RIT2: variants seen among roughly 807,000 people sequenced by gnomAD.
RIT2 encodes GTP-binding protein Rit2.
Under a neutral mutation model 23.7 loss-of-function variants are expected in RIT2, and 24 were observed. The ratio of observed to expected loss-of-function variants is 1.01; its 90% CI spans 0.73 to 1.43. The LOEUF is 1.43. RIT2 is among the 40% of genes most tolerant of loss of function. RIT2 has a pLI of 0.00. For missense variants in RIT2, 236 were observed against 266.9 expected (o/e 0.88, Z 0.81); for synonymous variants, 107 against 91.1 (o/e 1.17, Z -0.99).
chr18:42,940,192 T>A (rs1159868733), intron 3 of RIT2, among the ~76,000 whole-genome samples: 2 of 137,488 alleles, frequency 1.5e-5, no homozygotes, highest in East Asian at 4.8e-4. Flanking sequence ...CATCTCCTAC[T>A]TCTCTTCAAA....
rs148459170 is a variant in RIT2, at chr18:42,952,224, T to C, written c.234+21850A>G. On this transcript the variant is annotated intron_variant, in intron 3 of 4. Coordinates refer to ENST00000326695, the MANE Select transcript of RIT2 (RefSeq NM_002930.4). The stretch of plus-strand genomic sequence containing the variant: ...TCAAAAGGAAGGAAATCCTGCCATT[T>C]ATAACACTATGGATGAACATTGAGG... Among the ~76,000 whole-genome samples, 430 of 152,288 alleles carry C rather than the reference T, an allele frequency of 2.8e-3. 2 individuals are homozygous for C. Among genetic ancestry groups the C allele is most frequent in the African/African-American group, 9.7e-3 (402 of 41,584 alleles).
chr18:42,782,367 G>C (rs543459744), intron 4 of RIT2, among the ~76,000 whole-genome samples: 74 of 152,140 alleles, frequency 4.9e-4, no homozygotes, highest in African/African-American at 1.7e-3. Flanking sequence ...CCATATAACA[G>C]GCAGCAGGAT....
intron 4 of RIT2, among the ~76,000 whole-genome samples, chr18:42,919,192 T>G (rs1380121368): frequency 6.6e-6 from 1 of 152,110 alleles, no homozygotes; most frequent in African/African-American, 2.4e-5. Context: ...TTTAATCCAG[T>G]AATTCCTAAT....
intron 4 of RIT2, among the ~76,000 whole-genome samples, chr18:42,923,051 C>T (rs964082030): frequency 1.4e-4 from 21 of 152,106 alleles, no homozygotes; most frequent in African/African-American, 2.7e-4. Context: ...GGGAGATTTT[C>T]GTGTTCTATG....
At chr18:42,923,814 T>C (rs1909115863) in intron 3 of RIT2, 51 bp from the exon 4 acceptor site, 2 of 1,365,800 alleles carry the variant, frequency 1.5e-6, no homozygotes, top group Non-Finnish European at 2.0e-6. Context: ...TATAGCTAAT[T>C]AATATGAGGT....
intron 1 of RIT2, among the ~76,000 whole-genome samples, chr18:43,108,162 G>C (rs1217888833): frequency 7.2e-6 from 1 of 138,286 alleles, no homozygotes; most frequent in African/African-American, 2.7e-5. Flanking sequence ...GTGATAGAAC[G>C]AGACTCCATC....
rs574251403 is a variant in RIT2, at chr18:42,908,901, C to T, written c.426+14671G>A. On this transcript the variant is annotated intron_variant, in intron 4 of 4. Transcript: ENST00000326695. Reference sequence around the variant, plus strand: ...ACCTAATAAATTAGTACAACCACTACGGAAAACGGTATGGTGATTCCTTAA... The same window carrying T: ...ACCTAATAAATTAGTACAACCACTATGGAAAACGGTATGGTGATTCCTTAA... Among the ~76,000 whole-genome samples the T allele has an allele frequency of 2.1e-3, 318 of 152,172 alleles. 1 individual carries two copies. The highest frequency in any genetic ancestry group is 5.4e-3 in the South Asian group (26 of 4,820).
At chr18:43,067,080 G>A (rs967756408) in intron 1 of RIT2, among the ~76,000 whole-genome samples, 2 of 151,916 alleles carry the variant, frequency 1.3e-5, no homozygotes, top group Non-Finnish European at 2.9e-5. Context: ...GAAGACTAGT[G>A]TAATATTATT....
chr18:43,057,798 C>CTTTTTTTTTTTTTTTTTTTTTTTTTTT (rs11393575), intron 1 of RIT2, among the ~76,000 whole-genome samples: 36 of 122,634 alleles, frequency 2.9e-4, no homozygotes, highest in Admixed American at 7.6e-4. Flanking sequence ...GTGATGGACA[C>CTTTTTTTTTTTTTTTTTTTTTTTTTTT]TTTTTTTTTT....
At chr18:43,105,775 T>C (rs1321597190) in intron 1 of RIT2, among the ~76,000 whole-genome samples, 3 of 152,182 alleles carry the variant, frequency 2.0e-5, no homozygotes, top group African/African-American at 4.8e-5. Flanking sequence ...GTAATTAATA[T>C]TCTGAGTATG....
intron 3 of RIT2, among the ~76,000 whole-genome samples, chr18:42,964,286 T>A (rs1170626415): frequency 6.6e-6 from 1 of 152,114 alleles, no homozygotes; most frequent in East Asian, 1.9e-4. Context: ...AGGGAAAAGT[T>A]AAACTGGGAA....
At chr18:42,756,062 C>T (rs1913156027) in intron 4 of RIT2, among the ~76,000 whole-genome samples, 1 of 151,926 alleles carries the variant, frequency 6.6e-6, no homozygotes, top group South Asian at 2.1e-4. Flanking sequence ...TTTGTGGGAT[C>T]ATCAGTAGTT....
intron 2 of RIT2, among the ~76,000 whole-genome samples, chr18:43,010,085 T>G (rs1391452027): frequency 6.6e-6 from 1 of 151,804 alleles, no homozygotes; most frequent in Non-Finnish European, 1.5e-5. Context: ...AATTAATTGT[T>G]AAAATGTGTA....
chr18:42,815,920 C>T (rs1206358471), intron 4 of RIT2, among the ~76,000 whole-genome samples: 1 of 152,066 alleles, frequency 6.6e-6, no homozygotes, highest in African/African-American at 2.4e-5. Context: ...AACATAACAA[C>T]CATAGACTAT....
At chr18:42,811,607 A>G (rs1029639339) in intron 4 of RIT2, among the ~76,000 whole-genome samples, 1 of 152,070 alleles carries the variant, frequency 6.6e-6, no homozygotes, top group African/African-American at 2.4e-5. Flanking sequence ...AAATAAAATT[A>G]TAAATATCTA....
intron 2 of RIT2, among the ~76,000 whole-genome samples, chr18:43,004,957 GA>G (rs1263057304): frequency 2.6e-5 from 4 of 151,868 alleles, no homozygotes; most frequent in Admixed American, 2.0e-4. Context: ...AGAGGTGAGA[GA>G]GGGGGAAAAA....
intron 2 of RIT2, among the ~76,000 whole-genome samples, chr18:43,031,752 A>AT (rs1911858689): frequency 1.3e-5 from 2 of 152,118 alleles, no homozygotes; most frequent in Admixed American, 1.3e-4. Flanking sequence ...ACAAAAGGCT[A>AT]TTTAAAAGCC....
intron 3 of RIT2, 76 bp downstream of exon 3, chr18:42,973,998 C>A (rs1033284701): frequency 5.5e-6 from 5 of 912,674 alleles, no homozygotes; most frequent in Non-Finnish European, 8.6e-6. Flanking sequence ...GTCATCTTCT[C>A]CTTTGTTGTA....
At chr18:42,758,326 T>C (rs1598642175) in intron 4 of RIT2, among the ~76,000 whole-genome samples, 1 of 152,140 alleles carries the variant, frequency 6.6e-6, no homozygotes, top group Non-Finnish European at 1.5e-5. Context: ...TTTCACCTCA[T>C]TCTTCTAACA....
Sources: gnomAD v4.1 joint callset for allele counts (sites outside exome capture counted in the v4.1 genomes callset) on GRCh38, gnomAD v4.1.1 for gene constraint, MANE v1.5 for transcripts, NCBI Gene and HGNC (gene_info 2026-07-23, HGNC 2026-07-21) for gene names.